ARPC1A: variants seen among roughly 807,000 people sequenced by gnomAD.
ARPC1A encodes actin-related protein 2/3 complex subunit 1A.
ARPC1A carries 8 observed loss-of-function variants against 46.9 expected under a neutral mutation model. The observed-to-expected ratio is 0.17, with a 90% CI of 0.10 to 0.31. The LOEUF (loss-of-function observed/expected upper bound fraction) is 0.31. Among genes scored for constraint, ARPC1A ranks in the 10% least tolerant of loss-of-function variants. The probability of loss-of-function intolerance (pLI) is 1.00; values close to 1 mark genes in which losing one functional copy is unlikely to be tolerated. For synonymous variants in ARPC1A, 152 were observed against 169.0 expected, an observed-to-expected ratio of 0.90 and a Z score of 0.78; for missense variants, 286 against 483.6, an observed-to-expected ratio of 0.59 and a Z score of 3.83.
chr7:99,338,364 C>CCCAGGTGG (rs1793292522), intron 3 of ARPC1A, 79 bp downstream of exon 3: 8 of 959,778 alleles, frequency 8.3e-6, no homozygotes, highest in Middle Eastern at 2.3e-4. Flanking sequence ...GCCTAATAAA[C>CCCAGGTGG]CCAGGTGGCC....
intron 6 of ARPC1A, among the ~76,000 whole-genome samples, chr7:99,354,633 T>C (rs1170180404): frequency 1.3e-5 from 2 of 150,022 alleles, no homozygotes; most frequent in Non-Finnish European, 3.0e-5. Flanking sequence ...TCACCTGAGG[T>C]CAAGAGTTCA....
intron 3 of ARPC1A, chr7:99,340,053 C>A (rs758889298): frequency 4.4e-6 from 2 of 455,038 alleles, no homozygotes; most frequent in African/African-American, 2.0e-5. Context: ...GAGATACTTT[C>A]AGACGTGTAT....
At chr7:99,340,303 C>T (rs538111342) in intron 3 of ARPC1A, among the ~76,000 whole-genome samples, 1 of 152,182 alleles carries the variant, frequency 6.6e-6, no homozygotes, top group African/African-American at 2.4e-5. Flanking sequence ...GCTGGGATTA[C>T]AGGTGCCTGC....
At chr7:99,363,134 G>T (rs550675189) in intron 8 of ARPC1A, among the ~76,000 whole-genome samples, 28 of 152,242 alleles carry the variant, frequency 1.8e-4, no homozygotes, top group Middle Eastern at 3.4e-3. Context: ...TGCTTCCCCA[G>T]GTCACGCTAA....
At chr7:99,341,432 A>G (rs1401082164) in intron 3 of ARPC1A, among the ~76,000 whole-genome samples, 1 of 151,616 alleles carries the variant, frequency 6.6e-6, no homozygotes, top group Admixed American at 6.6e-5. Flanking sequence ...ACATGGAGAA[A>G]CCCCATTTCT....
chr7:99,329,119 T>G lies in ARPC1A; in HGVS notation c.-30+3115T>G, dbSNP rs1051352604. ...ATCGAGACCATCCTGGCTAACACGG[T>G]GAAACCCCATCTCTACTAAAAATAC... On this transcript the variant is annotated intron_variant, in intron 1 of 9. Coordinates refer to ENST00000262942, the MANE Select transcript of ARPC1A (RefSeq NM_006409.4). 2.6e-5 allele frequency among the ~76,000 whole-genome samples: 4 copies of G among 151,698 alleles called. No individual in the cohort carries two copies. The East Asian group carries it at 7.8e-4, about 29-fold the overall frequency.
At chr7:99,344,546 C>A in intron 4 of ARPC1A, 31 bp downstream of exon 4, 2 of 1,605,908 alleles carry the variant, frequency 1.2e-6, no homozygotes, top group Non-Finnish European at 1.7e-6. Context: ...TTCTATCCCT[C>A]TCTATAGAAT....
At position 99,355,146 on chromosome 7, in the gene ARPC1A, G is replaced by C. The variant is rs57482580; in HGVS notation, c.713+1025G>C. Among the ~76,000 whole-genome samples, 1,225 of 151,652 alleles carry C rather than the reference G, an allele frequency of 8.1e-3. 17 individuals carry two copies. The highest frequency in any genetic ancestry group is 0.026 in the African/African-American group (1,081 of 41,272). ...AAAAAAAAAAAATCAGCCCGGCATA[G>C]TGGCATATGCCTGTAATCCCAGCTA... On this transcript the variant is annotated intron_variant, in intron 6 of 9. Coordinates refer to ENST00000262942, the MANE Select transcript of ARPC1A (RefSeq NM_006409.4).
intron 1 of ARPC1A, among the ~76,000 whole-genome samples, chr7:99,330,949 A>C (rs1723359754): frequency 1.3e-5 from 2 of 152,242 alleles, no homozygotes; most frequent in Admixed American, 1.3e-4. Context: ...CCTATAAAAT[A>C]GAGAATTTTT....
chr7:99,359,969 C>T, intron 8 of ARPC1A: 1 of 577,528 alleles, frequency 1.7e-6, no homozygotes, highest in Non-Finnish European at 3.1e-6. Context: ...GTGCAGATTA[C>T]AAGGCAGCAG....
At chr7:99,346,319 A>G (rs1041453453) in intron 4 of ARPC1A, among the ~76,000 whole-genome samples, 1 of 152,220 alleles carries the variant, frequency 6.6e-6, no homozygotes, top group African/African-American at 2.4e-5. Context: ...ACTATTTGGA[A>G]GTTTCATTGT....
chr7:99,359,912 C>G, intron 8 of ARPC1A, 174 bp downstream of exon 8: 1 of 774,394 alleles, frequency 1.3e-6, no homozygotes, highest in Non-Finnish European at 2.1e-6. Context: ...ATTTCCAGCT[C>G]GTGGTAGGGA....
chr7:99,344,616 G>T, intron 4 of ARPC1A, 101 bp downstream of exon 4: 1 of 1,262,970 alleles, frequency 7.9e-7, no homozygotes, highest in Non-Finnish European at 1.1e-6. Flanking sequence ...ATCCGGAGTT[G>T]TGTGGTTTTT....
At chr7:99,360,215 C>A (rs1363049001) in intron 8 of ARPC1A, 3 of 173,446 alleles carry the variant, frequency 1.7e-5, no homozygotes, top group Admixed American at 5.5e-5. Flanking sequence ...ATTAAAGGAA[C>A]AGAATTTCTT....
intron 3 of ARPC1A, chr7:99,339,952 G>A (rs753124558): frequency 2.4e-5 from 11 of 455,590 alleles, no homozygotes; most frequent in East Asian, 7.0e-5. Context: ...CCCACACCCC[G>A]CCACATACTT....
At chr7:99,331,144 C>T (rs752866589) in intron 1 of ARPC1A, among the ~76,000 whole-genome samples, 74 of 152,220 alleles carry the variant, frequency 4.9e-4, no homozygotes, top group Non-Finnish European at 8.1e-4. Flanking sequence ...CATGGTGACT[C>T]ATGCCTGTAA....
chr7:99,342,501 C>T (rs989067163), intron 3 of ARPC1A, among the ~76,000 whole-genome samples: 4 of 151,536 alleles, frequency 2.6e-5, no homozygotes, highest in Non-Finnish European at 4.4e-5. Context: ...GCTATGATCA[C>T]GCCACTGCAC....
chr7:99,354,152 G>T lies in ARPC1A; in HGVS notation c.713+31G>T. The T allele has an allele frequency of 6.2e-7, 1 of 1,602,622 alleles. No individual in the cohort carries two copies. Among genetic ancestry groups the T allele is most frequent in the East Asian group, 2.2e-5 (1 of 44,636 alleles). On this transcript the variant is annotated intron_variant, in intron 6 of 9. Transcript: ENST00000262942. ...TATTTGCCTTTCATTTGGAAGGTGG[G>T]GAACAAGGGGTGGGATCTCTCACCA...
At chr7:99,341,116 C>T (rs973288857) in intron 3 of ARPC1A, among the ~76,000 whole-genome samples, 1 of 144,728 alleles carries the variant, frequency 6.9e-6, no homozygotes, top group African/African-American at 2.6e-5. Context: ...TGAGACCAAC[C>T]TGGCCAACAT....
Sources: allele counts gnomAD v4.1 joint callset (sites outside exome capture counted in the v4.1 genomes callset), GRCh38; gene constraint gnomAD v4.1.1; transcripts MANE v1.5; gene names NCBI Gene and HGNC (gene_info 2026-07-23, HGNC 2026-07-21).